RBM26: variants seen among roughly 807,000 people sequenced by gnomAD.
The protein encoded by RBM26 is RNA-binding protein 26.
Under a neutral mutation model 123.6 loss-of-function variants are expected in RBM26, and 30 were observed. That is an observed-to-expected ratio of 0.24 (90% CI 0.18 to 0.33). The LOEUF is 0.33. Among genes scored for constraint, RBM26 ranks in the 10% least tolerant of loss-of-function variants. RBM26 has a pLI of 1.00. For missense variants in RBM26, 947 were observed against 1,203.6 expected, an observed-to-expected ratio of 0.79 and a Z score of 3.15; for synonymous variants, 400 against 404.4, an observed-to-expected ratio of 0.99 and a Z score of 0.13.
intron 1 of RBM26, among the ~76,000 whole-genome samples, chr13:79,403,755 T>C (rs892527964): frequency 6.6e-6 from 1 of 152,218 alleles, no homozygotes; most frequent in Non-Finnish European, 1.5e-5. Flanking sequence ...ACCGCTATAC[T>C]ATGATGCCCA....
At chr13:79,386,334 G>T (rs2077474947) in intron 1 of RBM26, among the ~76,000 whole-genome samples, 1 of 151,218 alleles carries the variant, frequency 6.6e-6, no homozygotes, top group Admixed American at 6.6e-5. Flanking sequence ...TAGACACCAT[G>T]AAAGGCTCTC....
At chr13:79,316,450 A>G (rs2067163714), downstream of RBM26, among the ~76,000 whole-genome samples, 1 of 151,752 alleles carries the variant, frequency 6.6e-6, no homozygotes, top group African/African-American at 2.4e-5. Context: ...AAGAGTGGAT[A>G]AAGTCCCCCA....
Position 79,353,175 on chromosome 13 carries a change from G to A in RBM26, c.2036C>T (p.Pro679Leu). 6.3e-7 allele frequency: 1 copy of A among 1,592,292 alleles called. No individual in the cohort carries two copies. The highest frequency in any genetic ancestry group is 1.1e-5 in the South Asian group (1 of 87,964). ...VKDRLGFVSK[P>L]SVSATEKVLS... ...TACCTTTTCAGTTGCTGAAACAGAT[G>A]GCTTTGATACAAAACCCAACCTGTC... The change falls in exon 14 of 22, where the codon CCA (proline) becomes CTA (leucine). Residue 679 changes from proline (P) to leucine (L), a missense_variant. This residue lies in a region of RBM26 where 493 missense variants were observed against 563.1 expected (regional missense o/e 0.88). Transcript: ENST00000438737.
At chr13:79,351,901 C>G (rs1222529819) in intron 14 of RBM26, among the ~76,000 whole-genome samples, 1 of 152,020 alleles carries the variant, frequency 6.6e-6, no homozygotes, top group Non-Finnish European at 1.5e-5. Context: ...AGACACTGCA[C>G]CCAGAGGCTA....
chr13:79,319,556 A>G lies in RBM26; in HGVS notation c.*1065T>C. 1 of 982,218 alleles carries G rather than the reference A, an allele frequency of 1.0e-6. No homozygotes were observed. The highest frequency in any genetic ancestry group is 1.2e-6 in the Non-Finnish European group (1 of 827,206). The allele number at this position is 982,218 out of a possible 1,614,324, so 60.8% of individuals were successfully genotyped here. The stretch of plus-strand genomic sequence containing the variant: ...TTACCAAACAGTGTTTTCCTAAAGT[A>G]GTATCTATAGTACATTTCTTTATTC... On this transcript the variant is annotated 3_prime_UTR_variant, in exon 22 of 22. Coordinates refer to ENST00000438737, the MANE Select transcript of RBM26 (RefSeq NM_001366735.2).
chr13:79,316,633 T>C (rs1271272353), downstream of RBM26, among the ~76,000 whole-genome samples: 7 of 151,842 alleles, frequency 4.6e-5, no homozygotes, highest in Non-Finnish European at 1.0e-4. Context: ...CATGTTTTCA[T>C]CAAATGCTTG....
At chr13:79,375,829 T>C (rs1359205146) in intron 3 of RBM26, among the ~76,000 whole-genome samples, 2 of 151,908 alleles carry the variant, frequency 1.3e-5, no homozygotes, top group Admixed American at 1.3e-4. Flanking sequence ...ATTATTTATA[T>C]GTAATCTGGA....
intron 20 of RBM26, among the ~76,000 whole-genome samples, chr13:79,327,239 T>C (rs981808137): frequency 6.7e-6 from 1 of 149,534 alleles, no homozygotes; most frequent in African/African-American, 2.5e-5. Flanking sequence ...AAGGCTGCAG[T>C]GAGCTGTGAT....
chr13:79,393,343 G>A (rs950018084), intron 1 of RBM26, among the ~76,000 whole-genome samples: 2 of 152,184 alleles, frequency 1.3e-5, no homozygotes, highest in African/African-American at 4.8e-5. Flanking sequence ...CTGCCCACTT[G>A]GCCCTCTTCC....
chr13:79,334,790 C>T (rs2070043616), intron 19 of RBM26, among the ~76,000 whole-genome samples: 1 of 152,100 alleles, frequency 6.6e-6, no homozygotes, highest in Admixed American at 6.5e-5. Flanking sequence ...AAGCAACATA[C>T]TGAATCCTCA....
rs1369835021 is a variant in RBM26, at chr13:79,329,486, T to A, written c.2820+4858A>T. Among the ~76,000 whole-genome samples the A allele has an allele frequency of 2.0e-5, 3 of 151,930 alleles. No homozygotes were observed. In the East Asian group the frequency reaches 5.8e-4, roughly 29 times the overall value. On this transcript the variant is annotated intron_variant, in intron 20 of 21. Coordinates refer to ENST00000438737, the MANE Select transcript of RBM26 (RefSeq NM_001366735.2). The stretch of plus-strand genomic sequence containing the variant: ...GCCTAATAAATAAACCAAAGCTCCT[T>A]AGAGAAAGGGTCAATTCCAGGTCTG...
At chr13:79,372,281 AAAAC>A (rs1329499128) in intron 3 of RBM26, among the ~76,000 whole-genome samples, 3 of 152,320 alleles carry the variant, frequency 2.0e-5, no homozygotes, top group Non-Finnish European at 2.9e-5. Flanking sequence ...GCTCTGCCTC[AAAAC>A]AAACAAACAA....
At chr13:79,358,188 A>G (rs1021611312) in intron 11 of RBM26, 86 bp downstream of exon 11, 9 of 1,192,290 alleles carry the variant, frequency 7.5e-6, no homozygotes, top group Admixed American at 2.8e-5. Flanking sequence ...CAGCCTTAAA[A>G]TATTTATTTA....
intron 14 of RBM26, among the ~76,000 whole-genome samples, chr13:79,351,169 A>C (rs1313455702): frequency 6.6e-6 from 1 of 152,186 alleles, no homozygotes; most frequent in Admixed American, 6.5e-5. Flanking sequence ...ATGAGTACAC[A>C]CTTCAATTTC....
At position 79,354,485 on chromosome 13, in the gene RBM26, G is replaced by C. The variant is rs2073718855; in HGVS notation, c.1940C>G (p.Thr647Ser). The change falls in exon 13 of 22, where the codon ACT becomes AGT. Residue 647 changes from threonine (T) to serine (S), a missense_variant. By Grantham distance (58) the Thr-to-Ser change is moderately conservative. Transcript: ENST00000438737. Reference sequence around the variant, plus strand: ...ACTCTGGGCTTCTGCAGGTTCAATAGTACTTGAAGGTACTGGACCCAGCCG... The same window carrying C: ...ACTCTGGGCTTCTGCAGGTTCAATACTACTTGAAGGTACTGGACCCAGCCG... Reference protein sequence around the residue: ...KERLGPVPSSTIEPAEAQSAS... With the variant: ...KERLGPVPSSSIEPAEAQSAS... 1.5e-5 allele frequency: 24 copies of C among 1,607,088 alleles called. No individual in the cohort carries two copies. The highest frequency in any genetic ancestry group is 1.9e-5 in the Non-Finnish European group (22 of 1,175,300).
At chr13:79,395,735 G>A (rs939430644) in intron 1 of RBM26, among the ~76,000 whole-genome samples, 1 of 151,898 alleles carries the variant, frequency 6.6e-6, no homozygotes, top group African/African-American at 2.4e-5. Context: ...ACAGAGTGAG[G>A]CACTGTTTCT....
chr13:79,369,520 C>G (rs1035017057), intron 5 of RBM26, among the ~76,000 whole-genome samples: 19 of 152,106 alleles, frequency 1.2e-4, no homozygotes, highest in Admixed American at 2.6e-4. Flanking sequence ...AAGTAACATT[C>G]CATGAAGCCT....
Position 79,320,458 on chromosome 13 carries a change from A to G in RBM26, c.*163T>C, listed in dbSNP as rs927550039. ...AAAATGCAAACATCAATCTTTCAAAATACAAGATCAGAAGGTAGTTTTCTT... is the reference window on the plus strand; with the variant it reads ...AAAATGCAAACATCAATCTTTCAAAGTACAAGATCAGAAGGTAGTTTTCTT... On this transcript the variant is annotated 3_prime_UTR_variant, in exon 22 of 22. Coordinates refer to ENST00000438737, the MANE Select transcript of RBM26 (RefSeq NM_001366735.2). The G allele has an allele frequency of 8.0e-7, 1 of 1,250,646 alleles. No individual in the cohort carries two copies. The highest frequency in any genetic ancestry group is 1.6e-5 in the African/African-American group (1 of 64,184). 77.5% of individuals were successfully genotyped at this position (1,250,646 alleles called of 1,614,324 possible).
At chr13:79,397,239 A>T (rs1400821653) in intron 1 of RBM26, among the ~76,000 whole-genome samples, 1 of 152,148 alleles carries the variant, frequency 6.6e-6, no homozygotes, top group Non-Finnish European at 1.5e-5. Flanking sequence ...TTATGACAAA[A>T]ATATTAAGCA....
Sources: allele counts gnomAD v4.1 joint callset (sites outside exome capture counted in the v4.1 genomes callset), GRCh38; gene constraint gnomAD v4.1.1; regional missense constraint gnomAD v4.1.1; transcripts MANE v1.5; gene names NCBI Gene and HGNC (gene_info 2026-07-23, HGNC 2026-07-21).